The following RAPGEF6 variants were observed in gnomAD, a reference collection of about 807,000 sequenced individuals.
The protein encoded by RAPGEF6 is Rap guanine nucleotide exchange factor 6.
A neutral mutation model predicts 171.4 loss-of-function variants in RAPGEF6; 56 were observed. The observed-to-expected ratio is 0.33, with a 90% CI of 0.26 to 0.41. The LOEUF (loss-of-function observed/expected upper bound fraction) is 0.41, where lower values mean the gene tolerates loss of function less well. Among genes scored for constraint, RAPGEF6 ranks in the 10% least tolerant of loss-of-function variants. The pLI, the probability that RAPGEF6 is intolerant of heterozygous loss-of-function variation, is 1.00. For missense variants in RAPGEF6, 1,674 were observed against 1,921.4 expected, an observed-to-expected ratio of 0.87 and a Z score of 2.41; for synonymous variants, 692 against 650.1, an observed-to-expected ratio of 1.06 and a Z score of -0.98.
At chr5:131,499,581 CAAAAAA>C (rs375534138) in intron 11 of RAPGEF6, among the ~76,000 whole-genome samples, 1 of 87,548 alleles carries the variant, frequency 1.1e-5, no homozygotes. Context: ...GACTTTGTCT[CAAAAAA>C]AAAAAAAAAA....
chr5:131,523,363 T>C (rs543118746), intron 6 of RAPGEF6, among the ~76,000 whole-genome samples: 3 of 149,186 alleles, frequency 2.0e-5, no homozygotes, highest in Non-Finnish European at 3.0e-5. Context: ...ACAGGTCATA[T>C]AGCTCACTGG....
intron 4 of RAPGEF6, among the ~76,000 whole-genome samples, chr5:131,569,725 T>A (rs1287972048): frequency 6.6e-6 from 1 of 152,134 alleles, no homozygotes; most frequent in Non-Finnish European, 1.5e-5. Context: ...TAAAGTTTTA[T>A]GCTTCAAAAG....
intron 18 of RAPGEF6, among the ~76,000 whole-genome samples, chr5:131,462,531 T>A (rs1754008305): frequency 6.6e-6 from 1 of 152,224 alleles, no homozygotes; most frequent in African/African-American, 2.4e-5. Flanking sequence ...CTCCACTCAC[T>A]TCCTTTTTAA....
chr5:131,491,063 T>C (rs1756248604), intron 14 of RAPGEF6, among the ~76,000 whole-genome samples: 1 of 152,136 alleles, frequency 6.6e-6, no homozygotes, highest in Admixed American at 6.5e-5. Flanking sequence ...CACGTGTGTG[T>C]GTGTGTGTGA....
chr5:131,460,631 T>C (rs924371220), intron 19 of RAPGEF6, among the ~76,000 whole-genome samples: 6 of 152,168 alleles, frequency 3.9e-5, no homozygotes, highest in Non-Finnish European at 8.8e-5. Context: ...AGAAAACCTA[T>C]CTTCAGTTTT....
intron 1 of RAPGEF6, among the ~76,000 whole-genome samples, chr5:131,607,562 C>T (rs1346390218): frequency 6.6e-6 from 1 of 152,224 alleles, no homozygotes; most frequent in East Asian, 1.9e-4. Flanking sequence ...CTTCCGCTCT[C>T]TGTCATAACA....
At chr5:131,561,455 C>T (rs750771875) in intron 5 of RAPGEF6, among the ~76,000 whole-genome samples, 2 of 152,046 alleles carry the variant, frequency 1.3e-5, no homozygotes, top group Non-Finnish European at 2.9e-5. Context: ...GTCAGGAGTT[C>T]GAGACCAGCC....
intron 17 of RAPGEF6, chr5:131,469,940 G>C: frequency 4.6e-6 from 3 of 655,362 alleles, no homozygotes; most frequent in Non-Finnish European, 7.5e-6. Flanking sequence ...ATAAATATAG[G>C]TAAGCTCAAG....
At chr5:131,498,886 T>C (rs961473493) in intron 11 of RAPGEF6, among the ~76,000 whole-genome samples, 54 of 152,198 alleles carry the variant, frequency 3.5e-4, no homozygotes, top group African/African-American at 1.2e-3. Flanking sequence ...AGCAGGACCT[T>C]TGAACTTCAC....
Position 131,430,938 on chromosome 5 carries a change from T to C in RAPGEF6, c.4386A>G (p.Ser1462=), listed in dbSNP as rs773019223. The change falls in exon 26 of 28, where the codon TCA becomes TCG. Residue 1462 remains serine (S), a synonymous_variant. Coordinates refer to ENST00000509018, the MANE Select transcript of RAPGEF6 (RefSeq NM_016340.6). ...QRVLESTPAE[S]SEGLDPKDAT... ...CATCCTTGGGGTCCAAGCCTTCAGA[T>C]GACTCAGCTGGGGTGCTCTCCAATA... 2 of 1,614,104 alleles carry C rather than the reference T, an allele frequency of 1.2e-6. No individual in the cohort carries two copies. Among genetic ancestry groups the C allele is most frequent in the Admixed American group, 3.3e-5 (2 of 59,988 alleles).
chr5:131,634,585 T>A (rs906906581), intron 1 of RAPGEF6, among the ~76,000 whole-genome samples: 3 of 152,216 alleles, frequency 2.0e-5, no homozygotes, highest in Non-Finnish European at 4.4e-5. Flanking sequence ...AAAAACTATT[T>A]CTAAATTACA....
chr5:131,474,496 G>A (rs1194861444), intron 16 of RAPGEF6, among the ~76,000 whole-genome samples: 6 of 151,920 alleles, frequency 3.9e-5, no homozygotes, highest in African/African-American at 1.5e-4. Flanking sequence ...ACAGAAGGGA[G>A]AATTATTTAT....
At chr5:131,429,314 A>T in intron 26 of RAPGEF6, 98 bp from the exon 27 acceptor site, 1 of 1,042,326 alleles carries the variant, frequency 9.6e-7, no homozygotes, top group East Asian at 2.6e-5. Context: ...AATACAACTT[A>T]AAAATAGACA....
intron 5 of RAPGEF6, among the ~76,000 whole-genome samples, chr5:131,557,583 TTG>T (rs1761319161): frequency 6.6e-6 from 1 of 152,162 alleles, no homozygotes; most frequent in African/African-American, 2.4e-5. Context: ...GCCAATAGTT[TTG>T]GTATGGTGAG....
Position 131,510,768 on chromosome 5 carries a change from T to C in RAPGEF6, c.628-277A>G, listed in dbSNP as rs151206486. ...ACTCAAACATCACTAAATGTATTAA[T>C]ATCTGTTTTCCACCCAACACTTGTA... On this transcript the variant is annotated intron_variant, in intron 7 of 27. Transcript: ENST00000509018. Among the ~76,000 whole-genome samples, 38 of 152,324 alleles carry C rather than the reference T, an allele frequency of 2.5e-4. No homozygotes were observed. In the East Asian group the frequency reaches 7.1e-3, roughly 29 times the overall value.
intron 5 of RAPGEF6, among the ~76,000 whole-genome samples, chr5:131,557,266 CTTT>C (rs890334392): frequency 6.6e-6 from 1 of 151,996 alleles, no homozygotes; most frequent in East Asian, 1.9e-4. Context: ...CTAAAAACAA[CTTT>C]TTAAGGTTTT....
At chr5:131,620,582 CT>C (rs367997318) in intron 1 of RAPGEF6, among the ~76,000 whole-genome samples, 79 of 149,198 alleles carry the variant, frequency 5.3e-4, no homozygotes, top group African/African-American at 1.6e-3. Context: ...AAAATCCATT[CT>C]TTTTTTTTTC....
chr5:131,446,756 T>C (rs1258195195), intron 21 of RAPGEF6, 53 bp from the exon 22 acceptor site: 6 of 1,465,614 alleles, frequency 4.1e-6, no homozygotes, highest in Admixed American at 2.0e-5. Context: ...GAACTAAGCA[T>C]AGCAGATTGA....
chr5:131,432,044 A>T (rs1343315797), intron 25 of RAPGEF6, among the ~76,000 whole-genome samples: 2 of 152,128 alleles, frequency 1.3e-5, no homozygotes, highest in African/African-American at 4.8e-5. Flanking sequence ...TCCCCAAACT[A>T]AAGCTCATGG....
Sources: allele counts gnomAD v4.1 joint callset (sites outside exome capture counted in the v4.1 genomes callset), GRCh38; gene constraint gnomAD v4.1.1; transcripts MANE v1.5; gene names NCBI Gene and HGNC (gene_info 2026-07-23, HGNC 2026-07-21).